CFAP46: variants seen among roughly 807,000 people sequenced by gnomAD.
CFAP46 encodes the protein cilia- and flagella-associated protein 46.
In CFAP46, 245 loss-of-function variants were observed where a neutral mutation model predicts 325.7. That is an observed-to-expected ratio of 0.75 (90% CI 0.68 to 0.84). The LOEUF is 0.84. Ranked by LOEUF, CFAP46 falls within the 40% of genes least tolerant of loss-of-function variation. CFAP46 has a pLI of 0.00. For synonymous variants in CFAP46, 1,523 were observed against 1,495.9 expected, an observed-to-expected ratio of 1.02 and a Z score of -0.42; for missense variants, 3,346 against 3,543.0, an observed-to-expected ratio of 0.94 and a Z score of 1.41.
chr10:132,825,270 G>A (rs1848025295), intron 50 of CFAP46, among the ~76,000 whole-genome samples: 1 of 151,036 alleles, frequency 6.6e-6, no homozygotes, highest in Non-Finnish European at 1.5e-5. Flanking sequence ...GTGCTGATGT[G>A]TGCTGTGTGT....
intron 45 of CFAP46, among the ~76,000 whole-genome samples, chr10:132,836,566 C>T (rs1355483857): frequency 6.6e-6 from 1 of 152,196 alleles, no homozygotes; most frequent in Non-Finnish European, 1.5e-5. Context: ...GGTCCGGACG[C>T]CCAGACCAGA....
intron 39 of CFAP46, among the ~76,000 whole-genome samples, chr10:132,856,189 C>A (rs530803746): frequency 6.6e-6 from 1 of 152,210 alleles, no homozygotes; most frequent in Non-Finnish European, 1.5e-5. Context: ...CAGGAAGCTG[C>A]GCCATTCACC....
At chr10:132,845,170 G>T (rs1379881004) in intron 44 of CFAP46, among the ~76,000 whole-genome samples, 2 of 152,214 alleles carry the variant, frequency 1.3e-5, no homozygotes, top group Non-Finnish European at 2.9e-5. Flanking sequence ...CCAGGCGCAG[G>T]GCCAGGCTGT....
At chr10:132,941,083 A>C (rs1253719885) in intron 3 of CFAP46, 23 bp from the exon 4 acceptor site, 2 of 1,613,518 alleles carry the variant, frequency 1.2e-6, no homozygotes, top group Admixed American at 3.3e-5. Context: ...AAAGAAGCAC[A>C]ATTAGACCGA....
chr10:132,922,561 G>A lies in CFAP46; in HGVS notation c.1404C>T (p.Ala468=), dbSNP rs1364137307. The change falls in exon 12 of 58, where the codon GCC becomes GCT. Residue 468 remains alanine (A), a synonymous_variant. Transcript: ENST00000368586. ...LGLYRDRIQM[A]STRLRLCTTL... is the part of the protein sequence containing the mutation. ...TGGTGCACAGACGCAGCCGGGTGGA[G>A]GCCATCTGGATCCTGTCCCGGTAGA... 5 of 1,548,320 alleles carry A rather than the reference G, an allele frequency of 3.2e-6. No homozygotes were observed. In the East Asian group the frequency reaches 9.8e-5, roughly 30 times the overall value.
intron 54 of CFAP46, 108 bp downstream of exon 54, chr10:132,814,044 A>G (rs1847637998): frequency 1.3e-6 from 1 of 773,808 alleles, no homozygotes; most frequent in Admixed American, 2.1e-5. Context: ...TGTATGTGGC[A>G]GGACTGGCAG....
Position 132,868,932 on chromosome 10 carries a change from C to T in CFAP46, c.4610+342G>A, listed in dbSNP as rs546263187. Among the ~76,000 whole-genome samples the T allele has an allele frequency of 1.3e-3, 204 of 152,218 alleles. 1 individual carries two copies. Among genetic ancestry groups the T allele is most frequent in the Non-Finnish European group, 2.3e-3 (156 of 68,034 alleles). Reference sequence around the variant, plus strand: ...ACTCCTGCCTGAAGGCTGCCGGAGACGGGAGTGGCCTGACCGAGCACTGCC... The same window carrying T: ...ACTCCTGCCTGAAGGCTGCCGGAGATGGGAGTGGCCTGACCGAGCACTGCC... On this transcript the variant is annotated intron_variant, in intron 33 of 57. Coordinates refer to ENST00000368586, the MANE Select transcript of CFAP46 (RefSeq NM_001200049.3).
At chr10:132,834,550 C>A (rs575678476) in intron 48 of CFAP46, 104 bp downstream of exon 48, 3 of 1,486,894 alleles carry the variant, frequency 2.0e-6, no homozygotes, top group Non-Finnish European at 2.7e-6. Context: ...TGAACAAAGG[C>A]GGCCGAGAAG....
In CFAP46 at chr10:132,895,476, C is replaced by T. The variant is rs972003188; in HGVS notation, c.3220-3059G>A. 7.2e-5 allele frequency among the ~76,000 whole-genome samples: 11 copies of T among 152,238 alleles called. No individual in the cohort carries two copies. The East Asian group carries it at 1.2e-3, about 16-fold the overall frequency. ...TACTGGACAACAACAAGAAAGAACACGGTGAGAAGGCAGCCAGGCTGTGTG... is the reference window on the plus strand; with the variant it reads ...TACTGGACAACAACAAGAAAGAACATGGTGAGAAGGCAGCCAGGCTGTGTG... On this transcript the variant is annotated intron_variant, in intron 24 of 57. Transcript: ENST00000368586.
At chr10:132,833,630 T>C in intron 49 of CFAP46, 105 bp from the exon 50 acceptor site, 1 of 1,269,316 alleles carries the variant, frequency 7.9e-7, no homozygotes, top group South Asian at 1.4e-5. Flanking sequence ...TGGGAAAGGC[T>C]GGCAGCCCGC....
chr10:132,863,564 C>A (rs781399959), intron 35 of CFAP46, among the ~76,000 whole-genome samples: 22 of 151,324 alleles, frequency 1.5e-4, no homozygotes, highest in Non-Finnish European at 2.2e-4. Context: ...CTATCAAAGA[C>A]CTGCATACAC....
intron 27 of CFAP46, among the ~76,000 whole-genome samples, chr10:132,882,964 G>A (rs2135382452): frequency 6.6e-6 from 1 of 152,236 alleles, no homozygotes; most frequent in East Asian, 1.9e-4. Flanking sequence ...GAGTGCCGGG[G>A]ACCCTGCCTC....
chr10:132,817,731 A>G lies in CFAP46; in HGVS notation c.7118-2817T>C, dbSNP rs1017625103. 6.6e-6 allele frequency among the ~76,000 whole-genome samples: 1 copy of G among 151,934 alleles called. No individual in the cohort carries two copies. The highest frequency in any genetic ancestry group is 2.4e-5 in the African/African-American group (1 of 41,332). On this transcript the variant is annotated intron_variant, in intron 50 of 57. Coordinates refer to ENST00000368586, the MANE Select transcript of CFAP46 (RefSeq NM_001200049.3). The surrounding 1 kb of genome is among the most constrained non-coding windows in gnomAD (Gnocchi z 4.4). ...ATCACCGGCAGCCCGGCTTTCAGTG[A>G]CTCTGTGGTGAGGGTTCTGTTAGTT...
At chr10:132,810,189 G>C (rs776245902) in intron 57 of CFAP46, among the ~76,000 whole-genome samples, 2 of 152,326 alleles carry the variant, frequency 1.3e-5, no homozygotes, top group South Asian at 4.1e-4. Context: ...GCCGAGGGTC[G>C]CGCCACGGTG....
rs150993710 is a variant in CFAP46, at chr10:132,819,747, G to A, written c.7118-4833C>T. ...CCATCTACAAAAACCAACTCAAAAT[G>A]GATTACAGGCTTAAATGTAAGACCT... On this transcript the variant is annotated intron_variant, in intron 50 of 57. Coordinates refer to ENST00000368586, the MANE Select transcript of CFAP46 (RefSeq NM_001200049.3). Among the ~76,000 whole-genome samples, 1,462 of 152,230 alleles carry A rather than the reference G, an allele frequency of 9.6e-3. 9 individuals carry two copies. Among genetic ancestry groups the A allele is most frequent in the South Asian group, 0.015 (73 of 4,820 alleles).
At chr10:132,936,658 C>G (rs539504524) in intron 7 of CFAP46, among the ~76,000 whole-genome samples, 3 of 145,760 alleles carry the variant, frequency 2.1e-5, no homozygotes, top group Admixed American at 1.4e-4. Context: ...CCCTCGGCAT[C>G]CAAACACACC....
chr10:132,927,148 C>G (rs1849823289), intron 9 of CFAP46, among the ~76,000 whole-genome samples: 1 of 152,172 alleles, frequency 6.6e-6, no homozygotes, highest in African/African-American at 2.4e-5. Flanking sequence ...ATCCAAAGAC[C>G]ACTAAACCCA....
At chr10:132,914,818 C>T (rs1034803901) in intron 17 of CFAP46, among the ~76,000 whole-genome samples, 22 of 151,802 alleles carry the variant, frequency 1.4e-4, no homozygotes, top group East Asian at 7.9e-4. Flanking sequence ...CACTGCACCC[C>T]GGCCCGAGGC....
chr10:132,821,404 CTGTGTGCTGTGTGAGCGCTGA>C (rs1317263583), intron 50 of CFAP46, among the ~76,000 whole-genome samples: 1,874 of 97,916 alleles, frequency 0.019, 49 homozygotes, highest in Non-Finnish European at 0.026. Context: ...TGTGTGTGTG[CTGTGTGCTGTGTGAGCGCTGA>C]TGTGTGCTGT....
Sources: allele counts gnomAD v4.1 joint callset (sites outside exome capture counted in the v4.1 genomes callset), GRCh38; gene constraint gnomAD v4.1.1; non-coding constraint Gnocchi (gnomAD v3.1); transcripts MANE v1.5; gene names NCBI Gene and HGNC (gene_info 2026-07-23, HGNC 2026-07-21).